The following PCDH9 variants were observed in gnomAD, a reference collection of about 807,000 sequenced individuals.
PCDH9 encodes protocadherin-9.
Under a neutral mutation model 70.6 loss-of-function variants are expected in PCDH9, and 24 were observed. The observed-to-expected ratio is 0.34, with a 90% CI of 0.25 to 0.48. PCDH9 has a LOEUF of 0.48. Ranked by LOEUF, PCDH9 falls within the 20% of genes least tolerant of loss-of-function variation. PCDH9 has a pLI of 0.99. For synonymous variants in PCDH9, 562 were observed against 558.5 expected (o/e 1.01, Z -0.09); for missense variants, 1,281 against 1,503.6 (o/e 0.85, Z 2.45).
At chr13:66,751,660 G>T (rs967835709) in intron 3 of PCDH9, among the ~76,000 whole-genome samples, 2 of 152,170 alleles carry the variant, frequency 1.3e-5, no homozygotes, top group Non-Finnish European at 2.9e-5. Context: ...TTCAATCATG[G>T]ATATGGTCCC....
intron 4 of PCDH9, among the ~76,000 whole-genome samples, chr13:66,583,043 C>T (rs575046515): frequency 6.6e-6 from 1 of 150,856 alleles, no homozygotes; most frequent in East Asian, 1.9e-4. Context: ...ACATTTTGTC[C>T]TCTGCTAAAT....
At chr13:66,452,337 A>G (rs1357030738) in intron 4 of PCDH9, among the ~76,000 whole-genome samples, 1 of 152,186 alleles carries the variant, frequency 6.6e-6, no homozygotes, top group Non-Finnish European at 1.5e-5. Flanking sequence ...GCATAGCATA[A>G]TAAACATGCC....
chr13:66,379,357 G>A (rs896557815), intron 4 of PCDH9, among the ~76,000 whole-genome samples: 2 of 152,108 alleles, frequency 1.3e-5, no homozygotes, highest in Admixed American at 6.5e-5. Context: ...TGCAAGGAAT[G>A]TGTTACTAAT....
At chr13:66,372,605 C>T (rs887970992) in intron 4 of PCDH9, among the ~76,000 whole-genome samples, 4 of 151,070 alleles carry the variant, frequency 2.6e-5, no homozygotes, top group Admixed American at 2.0e-4. Context: ...AGAAGAACAG[C>T]ATCAGAGTGG....
intron 2 of PCDH9, among the ~76,000 whole-genome samples, chr13:67,000,101 G>C (rs2139817520): frequency 6.6e-6 from 1 of 152,190 alleles, no homozygotes; most frequent in East Asian, 1.9e-4. Context: ...AACAATGATA[G>C]GCTGGATTAA....
At chr13:67,028,915 T>C (rs964123070) in intron 2 of PCDH9, among the ~76,000 whole-genome samples, 4 of 152,134 alleles carry the variant, frequency 2.6e-5, no homozygotes, top group Non-Finnish European at 4.4e-5. Flanking sequence ...CAGAGTTGAA[T>C]TGCACCAAAA....
chr13:66,743,378 A>G (rs2139206723), intron 3 of PCDH9, among the ~76,000 whole-genome samples: 1 of 140,736 alleles, frequency 7.1e-6, no homozygotes, highest in East Asian at 2.2e-4. Flanking sequence ...TAGCATTGGG[A>G]GATACACCTA....
chr13:67,096,738 T>C (rs1308153409), intron 2 of PCDH9, among the ~76,000 whole-genome samples: 1 of 152,112 alleles, frequency 6.6e-6, no homozygotes, highest in East Asian at 1.9e-4. Flanking sequence ...ATAGTAAATG[T>C]AAAAGTCTGT....
At chr13:67,043,511 T>C (rs1404800195) in intron 2 of PCDH9, among the ~76,000 whole-genome samples, 1 of 152,008 alleles carries the variant, frequency 6.6e-6, no homozygotes, top group African/African-American at 2.4e-5. Context: ...ATAAAATATA[T>C]AGGAAGTAGA....
At position 66,592,328 on chromosome 13, in the gene PCDH9, T is replaced by TG. The variant is rs1215948653; in HGVS notation, c.3340+38881dup. On this transcript the variant is annotated intron_variant, in intron 4 of 4. Coordinates refer to ENST00000377865, the MANE Select transcript of PCDH9 (RefSeq NM_203487.3). The stretch of plus-strand genomic sequence containing the variant: ...GAGATCAGTATCAAGCTTCCAATGA[T>TG]GGGGGGAAGAAAGGAAGAAAGGGTC... Among the ~76,000 whole-genome samples the TG allele has an allele frequency of 3.3e-5, 5 of 151,680 alleles. No individual in the cohort carries two copies. In the South Asian group the frequency reaches 1.0e-3, roughly 32 times the overall value.
At chr13:66,354,671 A>C (rs1566264508) in intron 4 of PCDH9, among the ~76,000 whole-genome samples, 1 of 152,148 alleles carries the variant, frequency 6.6e-6, no homozygotes, top group Non-Finnish European at 1.5e-5. Context: ...TAAAATAATA[A>C]AAAAATAGAA....
chr13:66,799,699 A>T (rs1463910626), intron 3 of PCDH9, among the ~76,000 whole-genome samples: 1 of 152,222 alleles, frequency 6.6e-6, no homozygotes. Context: ...AGGAACAATC[A>T]GTAATTTTAA....
chr13:67,098,353 T>A (rs1294625889), intron 2 of PCDH9, among the ~76,000 whole-genome samples: 3 of 152,180 alleles, frequency 2.0e-5, no homozygotes, highest in Non-Finnish European at 4.4e-5. Context: ...ACATCTAGAA[T>A]TAAATAATTC....
At chr13:66,697,381 T>G (rs1210597654) in intron 3 of PCDH9, among the ~76,000 whole-genome samples, 1 of 152,110 alleles carries the variant, frequency 6.6e-6, no homozygotes, top group East Asian at 1.9e-4. Context: ...GATTACAGGC[T>G]CTCACATACA....
intron 4 of PCDH9, among the ~76,000 whole-genome samples, chr13:66,474,297 G>T (rs563035465): frequency 6.6e-6 from 1 of 152,180 alleles, no homozygotes; most frequent in Non-Finnish European, 1.5e-5. Context: ...TTATTTCTCT[G>T]GGTTTATACT....
At chr13:66,517,227 T>C (rs1959780641) in intron 4 of PCDH9, among the ~76,000 whole-genome samples, 1 of 152,178 alleles carries the variant, frequency 6.6e-6, no homozygotes. Context: ...GAACATGACC[T>C]CAAAGTATTT....
chr13:66,456,395 A>T (rs1270550812), intron 4 of PCDH9, among the ~76,000 whole-genome samples: 2 of 152,066 alleles, frequency 1.3e-5, no homozygotes, highest in Admixed American at 1.3e-4. Flanking sequence ...CTGAGCGGCT[A>T]GGACTACAGA....
intron 2 of PCDH9, among the ~76,000 whole-genome samples, chr13:66,987,388 A>G (rs1303116864): frequency 2.0e-5 from 3 of 152,066 alleles, no homozygotes; most frequent in African/African-American, 4.8e-5. Context: ...TCATTACATT[A>G]CTGCTTAATA....
chr13:66,724,321 G>A (rs560337550), intron 3 of PCDH9, among the ~76,000 whole-genome samples: 1 of 152,136 alleles, frequency 6.6e-6, no homozygotes, highest in Non-Finnish European at 1.5e-5. Context: ...TGGAAAATAT[G>A]AAAAAGCATA....
Sources: gnomAD v4.1 joint callset for allele counts (sites outside exome capture counted in the v4.1 genomes callset) on GRCh38, gnomAD v4.1.1 for gene constraint, MANE v1.5 for transcripts, NCBI Gene and HGNC (gene_info 2026-07-23, HGNC 2026-07-21) for gene names.